The following BCL7A variants were observed in gnomAD, a reference collection of about 807,000 sequenced individuals.
The protein encoded by BCL7A is BAF chromatin remodeling complex subunit BCL7A.
Under a neutral mutation model 28.4 loss-of-function variants are expected in BCL7A, and 11 were observed. The ratio of observed to expected loss-of-function variants is 0.39; its 90% CI spans 0.24 to 0.64. BCL7A has a LOEUF of 0.64. Among genes scored for constraint, BCL7A ranks in the 30% least tolerant of loss-of-function variants. The pLI, the probability that BCL7A is intolerant of heterozygous loss-of-function variation, is 0.50. For synonymous variants in BCL7A, 123 were observed against 103.3 expected (o/e 1.19, Z -1.15); for missense variants, 222 against 274.8 (o/e 0.81, Z 1.36).
intron 3 of BCL7A, among the ~76,000 whole-genome samples, chr12:122,039,042 G>T (rs1440914358): frequency 6.6e-6 from 1 of 151,882 alleles, no homozygotes; most frequent in Non-Finnish European, 1.5e-5. Flanking sequence ...CGTATCTATA[G>T]TCCCAGCATT....
At position 122,029,931 on chromosome 12, in the gene BCL7A, A is replaced by T. The variant is rs1207915681; in HGVS notation, c.93-769A>T. Among the ~76,000 whole-genome samples, 1 of 152,106 alleles carries T rather than the reference A, an allele frequency of 6.6e-6. No individual in the cohort carries two copies. Among genetic ancestry groups the T allele is most frequent in the Non-Finnish European group, 1.5e-5 (1 of 68,012 alleles). ...GGCATTGTTATCTCGAATGAAAACC[A>T]GTCCTGTTTGCTTCTGTGGCTTGTA... On this transcript the variant is annotated intron_variant, in intron 1 of 5. Transcript: ENST00000261822. This position sits in a 1 kb window ranked among gnomAD's most constrained non-coding sequence, Gnocchi z 4.3.
rs550186234 is a variant in BCL7A at position 122,038,709 on chromosome 12, C to A, written c.271+3282C>A. 1.4e-4 allele frequency among the ~76,000 whole-genome samples: 22 copies of A among 152,218 alleles called. No individual in the cohort carries two copies. In the East Asian group the frequency reaches 3.9e-3, roughly 27 times the overall value. On this transcript the variant is annotated intron_variant, in intron 3 of 5. Coordinates refer to ENST00000261822, the MANE Select transcript of BCL7A (RefSeq NM_001024808.3). Reference sequence around the variant, plus strand: ...GCCTTTTCGAGCTGAGGCCAGGACCCCACCTGGGTTCACATCCTAACTCTC... The same window carrying A: ...GCCTTTTCGAGCTGAGGCCAGGACCACACCTGGGTTCACATCCTAACTCTC...
rs1254165372 is a variant in BCL7A, at chr12:122,061,048, C to G, written c.*1885C>G. The G allele has an allele frequency of 4.4e-6, 1 of 227,218 alleles. No individual in the cohort carries two copies. The highest frequency in any genetic ancestry group is 6.3e-5 in the East Asian group (1 of 15,796). The allele number at this position is 227,218 out of a possible 1,614,324, so 14.1% of individuals were successfully genotyped here. On this transcript the variant is annotated 3_prime_UTR_variant, in exon 6 of 6. Coordinates refer to ENST00000261822, the MANE Select transcript of BCL7A (RefSeq NM_001024808.3). ...TGTGTCCTGCATCCTGGCGCAGAAC[C>G]TACCTGATGCGGTTCCTCTCCACGC...
chr12:122,044,709 C>G (rs1247370622), intron 4 of BCL7A, among the ~76,000 whole-genome samples: 5 of 151,650 alleles, frequency 3.3e-5, no homozygotes, highest in African/African-American at 1.2e-4. Flanking sequence ...GCCTGTGGTC[C>G]CAGCTACTCA....
chr12:122,058,522 G>C lies in BCL7A; in HGVS notation c.562-570G>C, dbSNP rs550128175. On this transcript the variant is annotated intron_variant, in intron 5 of 5. Coordinates refer to ENST00000261822, the MANE Select transcript of BCL7A (RefSeq NM_001024808.3). ...AAAAATACAAAAATTAGCCGGGCAT[G>C]GTGGCGCGTGCCTGTAATCACAGCT... is the stretch of plus-strand genomic sequence containing the variant. Among the ~76,000 whole-genome samples the C allele has an allele frequency of 2.0e-5, 3 of 152,244 alleles. No homozygotes were observed. The South Asian group carries it at 6.2e-4, about 32-fold the overall frequency.
At chr12:122,028,109 A>G (rs990878552) in intron 1 of BCL7A, among the ~76,000 whole-genome samples, 1 of 152,298 alleles carries the variant, frequency 6.6e-6, no homozygotes, top group Non-Finnish European at 1.5e-5. Flanking sequence ...AGCTGAGCAT[A>G]GGTCCAGCTC....
chr12:122,023,840 C>T (rs1883540640), intron 1 of BCL7A, among the ~76,000 whole-genome samples: 1 of 152,222 alleles, frequency 6.6e-6, no homozygotes, highest in African/African-American at 2.4e-5. Context: ...CCCTCCTTGC[C>T]TCAGCCCCTG....
chr12:122,042,012 A>T (rs1883973023), intron 3 of BCL7A, among the ~76,000 whole-genome samples: 1 of 151,708 alleles, frequency 6.6e-6, no homozygotes, highest in Non-Finnish European at 1.5e-5. Flanking sequence ...GGAGGTGGAG[A>T]TTATAGTGAG....
In BCL7A at chr12:122,021,927, T is replaced by TAG; in HGVS notation, c.-165_-164insAG. The TAG allele has an allele frequency of 2.7e-6, 1 of 370,818 alleles. No homozygotes were observed. The highest frequency in any genetic ancestry group is 4.7e-6 in the Non-Finnish European group (1 of 213,064). 23.0% of individuals were successfully genotyped at this position (370,818 alleles called of 1,614,324 possible). On this transcript the variant is annotated 5_prime_UTR_variant, in exon 1 of 6. Coordinates refer to ENST00000261822, the MANE Select transcript of BCL7A (RefSeq NM_001024808.3). Reference sequence around the variant, plus strand: ...GGCGGCCCCGGGCTTTGTGTGTGTGTGTATGTGTGTGTGTGTGTGTGTGTG... The same window carrying TAG: ...GGCGGCCCCGGGCTTTGTGTGTGTGTAGGTATGTGTGTGTGTGTGTGTGTGTG...
chr12:122,043,456 G>C (rs571361295), intron 3 of BCL7A, among the ~76,000 whole-genome samples: 200 of 151,906 alleles, frequency 1.3e-3, no homozygotes, highest in African/African-American at 4.5e-3. Context: ...GGTCCCAGGA[G>C]GAGGCGTATC....
intron 1 of BCL7A, among the ~76,000 whole-genome samples, chr12:122,027,389 T>C (rs1883650779): frequency 6.6e-6 from 1 of 152,142 alleles, no homozygotes; most frequent in South Asian, 2.1e-4. Flanking sequence ...AAATATAAAG[T>C]GGGGCCCATG....
At chr12:122,044,778 A>T (rs1326138466) in intron 4 of BCL7A, among the ~76,000 whole-genome samples, 1 of 152,138 alleles carries the variant, frequency 6.6e-6, no homozygotes, top group African/African-American at 2.4e-5. Context: ...GTGAGCCGTG[A>T]TCACACAACT....
chr12:122,054,746 C>T (rs1884273266), intron 4 of BCL7A, 59 bp from the exon 5 acceptor site: 2 of 1,551,866 alleles, frequency 1.3e-6, no homozygotes, highest in Middle Eastern at 1.7e-4. Flanking sequence ...TATTTGGCCC[C>T]ACCGGCCCCG....
intron 4 of BCL7A, among the ~76,000 whole-genome samples, chr12:122,045,692 T>G (rs1035347138): frequency 3.3e-5 from 5 of 152,144 alleles, no homozygotes; most frequent in Admixed American, 2.6e-4. Context: ...TGTTGGCTTT[T>G]GGGTTTCTTT....
chr12:122,042,804 A>G (rs1190902716), intron 3 of BCL7A, among the ~76,000 whole-genome samples: 1 of 152,176 alleles, frequency 6.6e-6, no homozygotes, highest in African/African-American at 2.4e-5. Flanking sequence ...ACGTTTCTAC[A>G]TACCCACTGT....
intron 1 of BCL7A, among the ~76,000 whole-genome samples, chr12:122,027,532 C>G (rs187807998): frequency 3.4e-5 from 5 of 149,228 alleles, no homozygotes; most frequent in African/African-American, 1.2e-4. Context: ...AGAGGGAGAC[C>G]TTATCTCAAA....
At chr12:122,022,551 T>G (rs1333126687) in intron 1 of BCL7A, among the ~76,000 whole-genome samples, 1 of 139,274 alleles carries the variant, frequency 7.2e-6, no homozygotes, top group African/African-American at 2.6e-5. Flanking sequence ...GCAAGTCACA[T>G]GAAAGCGGCT....
At chr12:122,023,180 G>C (rs940709784) in intron 1 of BCL7A, among the ~76,000 whole-genome samples, 1 of 152,342 alleles carries the variant, frequency 6.6e-6, no homozygotes, top group East Asian at 1.9e-4. Flanking sequence ...GGCCCGAGGC[G>C]CAAGCAGATC....
At chr12:122,028,042 T>TG (rs1398882657) in intron 1 of BCL7A, among the ~76,000 whole-genome samples, 1 of 152,138 alleles carries the variant, frequency 6.6e-6, no homozygotes, top group Non-Finnish European at 1.5e-5. Flanking sequence ...CATGTCCTCC[T>TG]GGGTGCTCAC....
Sources: allele counts gnomAD v4.1 joint callset (sites outside exome capture counted in the v4.1 genomes callset), GRCh38; gene constraint gnomAD v4.1.1; non-coding constraint Gnocchi (gnomAD v3.1); transcripts MANE v1.5; gene names NCBI Gene and HGNC (gene_info 2026-07-23, HGNC 2026-07-21).